Variants in SLC2A12 observed in about 807,000 individuals in gnomAD.
SLC2A12 encodes solute carrier family 2 member 12.
SLC2A12 carries 23 observed loss-of-function variants against 41.8 expected under a neutral mutation model. The ratio of observed to expected loss-of-function variants is 0.55; its 90% CI spans 0.40 to 0.78. The LOEUF is 0.78. Ranked by LOEUF, SLC2A12 falls within the 30% of genes least tolerant of loss-of-function variation. The probability of loss-of-function intolerance (pLI) is 0.00; values close to 1 mark genes in which losing one functional copy is unlikely to be tolerated. For synonymous variants in SLC2A12, 295 were observed against 285.9 expected, an observed-to-expected ratio of 1.03 and a Z score of -0.32; for missense variants, 654 against 745.6, an observed-to-expected ratio of 0.88 and a Z score of 1.43.
chr6:134,032,409 T>TAC (rs1777220837), intron 1 of SLC2A12, among the ~76,000 whole-genome samples: 1 of 33,894 alleles, frequency 3.0e-5, no homozygotes, highest in Non-Finnish European at 6.2e-5. Flanking sequence ...GGGAGAAATA[T>TAC]ATATATATAT....
At chr6:134,034,216 C>T (rs1243523599) in intron 1 of SLC2A12, among the ~76,000 whole-genome samples, 1 of 152,192 alleles carries the variant, frequency 6.6e-6, no homozygotes. Flanking sequence ...AAACCTTGTA[C>T]AAGATCATTC....
chr6:134,021,620 T>C (rs1334551072), intron 2 of SLC2A12, among the ~76,000 whole-genome samples: 1 of 152,214 alleles, frequency 6.6e-6, no homozygotes, highest in Non-Finnish European at 1.5e-5. Context: ...GATATTACTA[T>C]GCCCATTACA....
intron 1 of SLC2A12, among the ~76,000 whole-genome samples, chr6:134,032,473 T>TATAA (rs1562201774): frequency 2.3e-4 from 14 of 59,826 alleles, no homozygotes; most frequent in African/African-American, 7.3e-4. Flanking sequence ...TATTTTTATA[T>TATAA]ATATATATAT....
chr6:134,022,545 A>G (rs1403341265), intron 2 of SLC2A12, among the ~76,000 whole-genome samples: 1 of 39,832 alleles, frequency 2.5e-5, no homozygotes, highest in Admixed American at 2.3e-4. Context: ...AAAGAAAAGA[A>G]AAGAAAAGAA....
chr6:134,036,047 C>A (rs1777294004), intron 1 of SLC2A12, among the ~76,000 whole-genome samples: 1 of 152,214 alleles, frequency 6.6e-6, no homozygotes, highest in Non-Finnish European at 1.5e-5. Flanking sequence ...TGCCTGCTTT[C>A]TTCTTCTCTT....
intron 1 of SLC2A12, among the ~76,000 whole-genome samples, chr6:134,037,567 A>T (rs1471631422): frequency 6.6e-6 from 1 of 151,752 alleles, no homozygotes; most frequent in African/African-American, 2.4e-5. Flanking sequence ...GTTGGCCTGG[A>T]TGGTCTCGAT....
intron 4 of SLC2A12, among the ~76,000 whole-genome samples, chr6:133,995,844 T>C (rs947376147): frequency 6.6e-6 from 1 of 152,378 alleles, no homozygotes; most frequent in Middle Eastern, 3.4e-3. Context: ...TAACTCATTG[T>C]CAAAGATTAC....
chr6:133,996,375 C>A (rs532394215), intron 4 of SLC2A12, among the ~76,000 whole-genome samples: 3 of 152,316 alleles, frequency 2.0e-5, no homozygotes, highest in Admixed American at 6.5e-5. Context: ...TTGTAGCTTG[C>A]AAGGCAGAAG....
intron 2 of SLC2A12, among the ~76,000 whole-genome samples, chr6:134,013,994 C>A (rs1460257413): frequency 1.3e-5 from 2 of 152,006 alleles, no homozygotes; most frequent in Non-Finnish European, 2.9e-5. Flanking sequence ...TTTTTTGAAC[C>A]TGAATCTCTG....
chr6:134,007,092 C>T (rs990898408), intron 2 of SLC2A12, among the ~76,000 whole-genome samples, 158 bp from the exon 3 acceptor site: 18 of 152,192 alleles, frequency 1.2e-4, no homozygotes, highest in Middle Eastern at 3.2e-3. Context: ...AGTAAAGGGA[C>T]GTGCTGCCTC....
At chr6:134,000,605 A>G (rs1776744233) in intron 4 of SLC2A12, among the ~76,000 whole-genome samples, 1 of 152,216 alleles carries the variant, frequency 6.6e-6, no homozygotes, top group Non-Finnish European at 1.5e-5. Flanking sequence ...GCATTTCTAA[A>G]TGGAACGACG....
At chr6:134,020,866 T>C (rs1311539739) in intron 2 of SLC2A12, among the ~76,000 whole-genome samples, 1 of 152,224 alleles carries the variant, frequency 6.6e-6, no homozygotes, top group African/African-American at 2.4e-5. Flanking sequence ...CTCCAACTCG[T>C]TGGCATTGCT....
At chr6:134,019,524 C>A (rs1489049596) in intron 2 of SLC2A12, among the ~76,000 whole-genome samples, 3 of 152,132 alleles carry the variant, frequency 2.0e-5, no homozygotes. Context: ...AGATTTTGAA[C>A]ATATTTGAAG....
At chr6:134,024,161 G>A (rs192194260) in intron 2 of SLC2A12, among the ~76,000 whole-genome samples, 4 of 152,354 alleles carry the variant, frequency 2.6e-5, no homozygotes, top group Admixed American at 1.3e-4. Flanking sequence ...TGGGCTCTGG[G>A]AGAAGGCAGC....
intron 1 of SLC2A12, among the ~76,000 whole-genome samples, chr6:134,051,222 G>C (rs956126388): frequency 2.6e-5 from 4 of 152,064 alleles, no homozygotes; most frequent in Admixed American, 2.6e-4. Flanking sequence ...CACCACGCCC[G>C]GCCTCATTCT....
In SLC2A12 at chr6:134,052,510, G is replaced by T; in HGVS notation, c.-30C>A. On this transcript the variant is annotated 5_prime_UTR_variant, in exon 1 of 5. Transcript: ENST00000275230. ...ACGTAGAAGTTACAGCCGCTTCCCC[G>T]CCACCAAACCGCCCCGACCACCCCC... 6.3e-7 allele frequency: 1 copy of T among 1,585,358 alleles called. No homozygotes were observed. The highest frequency in any genetic ancestry group is 8.6e-7 in the Non-Finnish European group (1 of 1,157,768).
chr6:134,032,450 AT>A (rs1777228369), intron 1 of SLC2A12, among the ~76,000 whole-genome samples: 3 of 44,384 alleles, frequency 6.8e-5, no homozygotes, highest in African/African-American at 1.1e-4. Flanking sequence ...ATATATATAA[AT>A]ATATATATAT....
intron 3 of SLC2A12, among the ~76,000 whole-genome samples, chr6:134,006,176 G>GAAAAAAAAAAAAAAAAAA (rs1182572567): frequency 4.9e-5 from 3 of 61,786 alleles, no homozygotes; most frequent in Admixed American, 4.4e-4. Flanking sequence ...GAGACTATCG[G>GAAAAAAAAAAAAAAAAAA]AAAAAAAAAA....
At chr6:134,036,502 CTT>C (rs1024863241) in intron 1 of SLC2A12, among the ~76,000 whole-genome samples, 3 of 152,220 alleles carry the variant, frequency 2.0e-5, no homozygotes, top group Non-Finnish European at 2.9e-5. Flanking sequence ...TTAAGGCACT[CTT>C]TGATTGACCT....
Sources: allele counts gnomAD v4.1 joint callset (sites outside exome capture counted in the v4.1 genomes callset), GRCh38; gene constraint gnomAD v4.1.1; transcripts MANE v1.5; gene names NCBI Gene and HGNC (gene_info 2026-07-23, HGNC 2026-07-21).